Variants in TTC28 observed in about 807,000 individuals in gnomAD.
TTC28 encodes tetratricopeptide repeat domain 28.
In TTC28, 61 loss-of-function variants were observed where a neutral mutation model predicts 198.0. The observed-to-expected ratio is 0.31, with a 90% CI of 0.25 to 0.38. TTC28 has a LOEUF of 0.38. TTC28 is among the 10% of genes least tolerant of loss of function. The pLI is 1.00. For synonymous variants in TTC28, 1,171 were observed against 1,297.8 expected, an observed-to-expected ratio of 0.90 and a Z score of 2.10; for missense variants, 2,678 against 3,164.0, an observed-to-expected ratio of 0.85 and a Z score of 3.69.
At chr22:28,120,460 G>A (rs1314667382) in intron 6 of TTC28, among the ~76,000 whole-genome samples, 1 of 152,118 alleles carries the variant, frequency 6.6e-6, no homozygotes, top group East Asian at 1.9e-4. Context: ...CTAAGATTCA[G>A]AGCTAGGACC....
intron 2 of TTC28, among the ~76,000 whole-genome samples, chr22:28,388,264 G>C (rs1342896281): frequency 6.6e-6 from 1 of 152,178 alleles, no homozygotes; most frequent in Admixed American, 6.5e-5. Flanking sequence ...AGTATAGTTT[G>C]AAGTCAGGTA....
intron 5 of TTC28, among the ~76,000 whole-genome samples, chr22:28,164,994 G>C (rs1367855787): frequency 6.6e-6 from 1 of 152,184 alleles, no homozygotes; most frequent in Non-Finnish European, 1.5e-5. Flanking sequence ...GGACCTGATG[G>C]AGCTGAAAAC....
chr22:28,562,978 C>T lies in TTC28; in HGVS notation c.381+66574G>A, dbSNP rs182223188. On this transcript the variant is annotated intron_variant, in intron 2 of 22. Coordinates refer to ENST00000397906, the MANE Select transcript of TTC28 (RefSeq NM_001145418.2). Reference sequence around the variant, plus strand: ...TCTCTACAAAAAATACAAATATTTGCCAGGTGTGGTGGCGTGTACCTGTAG... The same window carrying T: ...TCTCTACAAAAAATACAAATATTTGTCAGGTGTGGTGGCGTGTACCTGTAG... 4.0e-3 allele frequency among the ~76,000 whole-genome samples: 608 copies of T among 152,044 alleles called. 6 individuals carry two copies. Among genetic ancestry groups the T allele is most frequent in the African/African-American group, 0.013 (530 of 41,474 alleles).
chr22:28,133,923 C>T (rs1407423886), intron 6 of TTC28, among the ~76,000 whole-genome samples: 3 of 152,224 alleles, frequency 2.0e-5, no homozygotes, highest in Admixed American at 1.3e-4. Context: ...TGAAGTGGGT[C>T]CCTGACCCCT....
intron 12 of TTC28, among the ~76,000 whole-genome samples, chr22:28,079,205 G>A (rs1353862968): frequency 3.9e-5 from 6 of 152,192 alleles, no homozygotes; most frequent in Non-Finnish European, 8.8e-5. Context: ...TGGCTAATGG[G>A]TTTGGAAAGC....
chr22:28,145,544 A>C (rs1391493860), intron 6 of TTC28, among the ~76,000 whole-genome samples: 1 of 152,052 alleles, frequency 6.6e-6, no homozygotes, highest in African/African-American at 2.4e-5. Flanking sequence ...TATTTTATGG[A>C]TCTCTTTCAT....
intron 5 of TTC28, among the ~76,000 whole-genome samples, chr22:28,213,663 C>T (rs935822914): frequency 6.9e-5 from 10 of 144,772 alleles, no homozygotes; most frequent in African/African-American, 1.6e-4. Flanking sequence ...TTCCATGCTC[C>T]GGGATAGGAA....
At chr22:28,575,195 G>A (rs531445803) in intron 2 of TTC28, among the ~76,000 whole-genome samples, 91 of 152,194 alleles carry the variant, frequency 6.0e-4, no homozygotes, top group African/African-American at 2.1e-3. Flanking sequence ...ATTTTGATTT[G>A]GTTTTTGTGG....
intron 2 of TTC28, among the ~76,000 whole-genome samples, chr22:28,583,072 T>G (rs955574173): frequency 1.3e-5 from 2 of 152,176 alleles, no homozygotes; most frequent in Non-Finnish European, 2.9e-5. Flanking sequence ...TGAGAAATGC[T>G]GCATTTCTCA....
At chr22:28,649,870 T>C (rs975439134) in intron 1 of TTC28, among the ~76,000 whole-genome samples, 11 of 152,210 alleles carry the variant, frequency 7.2e-5, no homozygotes, top group Non-Finnish European at 1.5e-4. Flanking sequence ...CATTAAATTT[T>C]AAAAGCATTG....
intron 6 of TTC28, among the ~76,000 whole-genome samples, chr22:28,115,540 T>C (rs890653937): frequency 2.0e-5 from 3 of 152,224 alleles, no homozygotes; most frequent in African/African-American, 4.8e-5. Flanking sequence ...AATCTGTATC[T>C]AGAGAACAGA....
At chr22:28,618,636 C>G (rs1401725015) in intron 2 of TTC28, among the ~76,000 whole-genome samples, 1 of 146,634 alleles carries the variant, frequency 6.8e-6, no homozygotes, top group Non-Finnish European at 1.5e-5. Context: ...GAGCTGAGAT[C>G]GTGCCACTGC....
rs1309377634 is a variant in TTC28, at chr22:28,167,143, A to ATC, written c.934-3545_934-3544insGA. Among the ~76,000 whole-genome samples, 14 of 152,338 alleles carry ATC rather than the reference A, an allele frequency of 9.2e-5. No individual in the cohort carries two copies. In the South Asian group the frequency reaches 2.9e-3, roughly 32 times the overall value. ...CCAGGAAGAAGTTGAATCTCTGCAA[A>ATC]GACCAATAACAGGCTCTCAAATTGA... On this transcript the variant is annotated intron_variant, in intron 5 of 22. Coordinates refer to ENST00000397906, the MANE Select transcript of TTC28 (RefSeq NM_001145418.2).
intron 2 of TTC28, among the ~76,000 whole-genome samples, chr22:28,441,357 C>T (rs1274850862): frequency 7.5e-6 from 1 of 133,868 alleles, no homozygotes. Flanking sequence ...GTTTAAATTG[C>T]TTAATTATAT....
chr22:28,129,765 C>CG (rs1943012324), intron 6 of TTC28, among the ~76,000 whole-genome samples: 1 of 152,150 alleles, frequency 6.6e-6, no homozygotes, highest in Non-Finnish European at 1.5e-5. Flanking sequence ...ACTACATTGG[C>CG]GGGGGAGATG....
intron 10 of TTC28, among the ~76,000 whole-genome samples, 186 bp downstream of exon 10, chr22:28,098,729 G>A (rs1359803237): frequency 6.6e-6 from 1 of 152,280 alleles, no homozygotes; most frequent in East Asian, 1.9e-4. Flanking sequence ...CATGGTAGGA[G>A]CTCTACTAAT....
intron 1 of TTC28, among the ~76,000 whole-genome samples, chr22:28,648,710 A>G (rs1225487349): frequency 1.3e-5 from 2 of 152,108 alleles, no homozygotes; most frequent in African/African-American, 2.4e-5. Flanking sequence ...AGAATTCGAG[A>G]CCAGCCTGGG....
At chr22:28,620,433 A>C (rs558826348) in intron 2 of TTC28, among the ~76,000 whole-genome samples, 179 of 152,356 alleles carry the variant, frequency 1.2e-3, no homozygotes, top group African/African-American at 4.1e-3. Flanking sequence ...TGACTGAAAA[A>C]TTAAAGTTGA....
intron 4 of TTC28, among the ~76,000 whole-genome samples, 174 bp from the exon 5 acceptor site, chr22:28,296,502 G>T (rs555060787): frequency 6.6e-6 from 1 of 152,298 alleles, no homozygotes; most frequent in African/African-American, 2.4e-5. Context: ...GGGAGTTACT[G>T]CCCTAGAATT....
Sources: allele counts gnomAD v4.1 joint callset (sites outside exome capture counted in the v4.1 genomes callset), GRCh38; gene constraint gnomAD v4.1.1; transcripts MANE v1.5; gene names NCBI Gene and HGNC (gene_info 2026-07-23, HGNC 2026-07-21).